The following FCGR2B variants were observed in gnomAD, a reference collection of about 807,000 sequenced individuals.
FCGR2B encodes the protein Fc gamma receptor IIb.
Under a neutral mutation model 24.8 loss-of-function variants are expected in FCGR2B, and 18 were observed. The ratio of observed to expected loss-of-function variants is 0.73; its 90% CI spans 0.50 to 1.08. The LOEUF (loss-of-function observed/expected upper bound fraction) is 1.08, where lower values mean the gene tolerates loss of function less well. Among genes scored for constraint, FCGR2B ranks in the 50% least tolerant of loss-of-function variants. The pLI is 0.00. For missense variants in FCGR2B, 215 were observed against 297.6 expected, an observed-to-expected ratio of 0.72 and a Z score of 2.04; for synonymous variants, 79 against 109.8, an observed-to-expected ratio of 0.72 and a Z score of 1.75.
At chr1:161,675,520 C>T (rs1682046618) in intron 6 of FCGR2B, 1 of 470,628 alleles carries the variant, frequency 2.1e-6, no homozygotes. Flanking sequence ...AGAAGAGAAA[C>T]ACCAGTCCCA....
chr1:161,675,320 A>G lies in FCGR2B; in HGVS notation c.817+7A>G, dbSNP rs927041851. The G allele has an allele frequency of 1.9e-6, 3 of 1,571,578 alleles. No homozygotes were observed. The highest frequency in any genetic ancestry group is 3.6e-5 in the Admixed American group (2 of 56,118). ...ACCCTCCCTGAGAAACCAGGTGAGT[A>G]CAGGTTGTCTCAGGGATTCAGTGAT... On this transcript the variant is annotated splice_region_variant and intron_variant, in intron 6 of 7. Coordinates refer to ENST00000358671, the MANE Select transcript of FCGR2B (RefSeq NM_001394477.1).
intron 6 of FCGR2B, chr1:161,675,734 C>T: frequency 4.2e-6 from 1 of 236,620 alleles, no homozygotes; most frequent in Non-Finnish European, 8.3e-6. Context: ...CTGGAAACCC[C>T]TTGATTTGCT....
At position 161,673,337 on chromosome 1, in the gene FCGR2B, G is replaced by A. The variant is rs1289258469; in HGVS notation, c.646+108G>A. 6 of 1,601,752 alleles carry A rather than the reference G, an allele frequency of 3.7e-6. No homozygotes were observed. The African/African-American group carries it at 4.0e-5, about 11-fold the overall frequency. The stretch of plus-strand genomic sequence containing the variant: ...TGAGAAAGGCCACAGCGCAAAATTG[G>A]GCACTGGAGCAAAGAGGAGTGGTGT... On this transcript the variant is annotated intron_variant, in intron 4 of 7. Transcript: ENST00000358671.
chr1:161,670,792 C>G (rs1361008140), intron 2 of FCGR2B, among the ~76,000 whole-genome samples: 1 of 113,318 alleles, frequency 8.8e-6, no homozygotes, highest in African/African-American at 3.4e-5. Flanking sequence ...TCCGGCTTTT[C>G]TCCCTCTCTC....
chr1:161,652,394 T>C, the FCGR2B span, among the ~76,000 whole-genome samples: 1 of 133,284 alleles, frequency 7.5e-6, no homozygotes, highest in South Asian at 2.7e-4. Flanking sequence ...GATGACCCTG[T>C]CAAATACATT....
the FCGR2B span, among the ~76,000 whole-genome samples, chr1:161,653,093 A>AAT: frequency 5.3e-5 from 7 of 132,938 alleles, no homozygotes; most frequent in African/African-American, 1.0e-4. Context: ...GCCTTTGCAG[A>AAT]ATATATATAT....
chr1:161,648,090 T>A, the FCGR2B span, among the ~76,000 whole-genome samples: 1 of 150,438 alleles, frequency 6.6e-6, no homozygotes, highest in Admixed American at 6.7e-5. Context: ...CATGGCAAGC[T>A]TGGGGAAGTT....
chr1:161,647,715 A>C, the FCGR2B span, among the ~76,000 whole-genome samples: 2,011 of 151,010 alleles, frequency 0.013, 105 homozygotes, highest in African/African-American at 0.047. Flanking sequence ...TTCGTCCTGC[A>C]GAAGAGATGT....
At chr1:161,674,362 A>G (rs1163860294) in intron 5 of FCGR2B, 1 of 344,890 alleles carries the variant, frequency 2.9e-6, no homozygotes, top group East Asian at 7.4e-5. Flanking sequence ...CATTATAATA[A>G]GATGGGATAA....
In FCGR2B at chr1:161,672,881, C is replaced by A. The variant is rs1681794551; in HGVS notation, c.392-94C>A. The A allele has an allele frequency of 3.2e-6, 5 of 1,549,472 alleles. No individual in the cohort carries two copies. In the South Asian group the frequency reaches 6.2e-5, roughly 19 times the overall value. ...GTCTGATTTCAGACCTAAGCTGTTC[C>A]CTCTGCACATCGTGTCCCACCAGTA... On this transcript the variant is annotated intron_variant, in intron 3 of 7. Coordinates refer to ENST00000358671, the MANE Select transcript of FCGR2B (RefSeq NM_001394477.1).
intron 7 of FCGR2B, 36 bp from the exon 8 acceptor site, chr1:161,677,440 C>A: frequency 6.2e-7 from 1 of 1,609,916 alleles, no homozygotes; most frequent in Non-Finnish European, 8.5e-7. Flanking sequence ...TAGGCCCTCT[C>A]TGTGGATCCT....
At position 161,678,191 on chromosome 1, in the gene FCGR2B, T is replaced by C. The variant is rs1382067185; in HGVS notation, c.*638T>C. 9.0e-6 allele frequency: 2 copies of C among 222,964 alleles called. No individual in the cohort carries two copies. The highest frequency in any genetic ancestry group is 6.5e-5 in the East Asian group (1 of 15,302). 13.8% of individuals were successfully genotyped at this position (222,964 alleles called of 1,614,324 possible). A position where few individuals can be genotyped will look rare whatever the true frequency, so the allele number is the denominator to read the frequency against. The stretch of plus-strand genomic sequence containing the variant: ...GGGGGAGGAGAGGAGAGATGGGGAT[T>C]TAGAATGTAGAGTGAGTGCCCCTTT... On this transcript the variant is annotated 3_prime_UTR_variant, in exon 8 of 8. Coordinates refer to ENST00000358671, the MANE Select transcript of FCGR2B (RefSeq NM_001394477.1).
At position 161,671,881 on chromosome 1, in the gene FCGR2B, T is replaced by G. The variant is rs1681697676; in HGVS notation, c.391+232T>G. 4 of 762,268 alleles carry G rather than the reference T, an allele frequency of 5.2e-6. No individual in the cohort carries two copies. The South Asian group carries it at 5.8e-5, about 11-fold the overall frequency. 47.2% of individuals were successfully genotyped at this position (762,268 alleles called of 1,614,324 possible). ...GAGAGAAGCAGAAGGAAATCCCTAC[T>G]GCATAAAACCCATTTCCATTTTAAT... On this transcript the variant is annotated intron_variant, in intron 3 of 7. Coordinates refer to ENST00000358671, the MANE Select transcript of FCGR2B (RefSeq NM_001394477.1).
At chr1:161,661,253 A>G (rs1268988157), upstream of FCGR2B, among the ~76,000 whole-genome samples, 1 of 37,350 alleles carries the variant, frequency 2.7e-5, no homozygotes, top group Non-Finnish European at 6.4e-5. Flanking sequence ...AAAGAAAGAA[A>G]GAAAGAAAGG....
In FCGR2B at chr1:161,673,098, A is replaced by G. The variant is rs1045176308; in HGVS notation, c.515A>G (p.Lys172Arg). 6.2e-7 allele frequency: 1 copy of G among 1,612,256 alleles called. No homozygotes were observed. The highest frequency in any genetic ancestry group is 8.5e-7 in the Non-Finnish European group (1 of 1,178,908). Residue 172 changes from lysine to arginine, a missense_variant, in exon 4 of 8, where the codon AAG becomes AGG. By Grantham distance (26) the Lys-to-Arg change is conservative (BLOSUM62 2). This residue lies in a region of FCGR2B where 2 missense variants were observed against 27.2 expected (regional missense o/e 0.07). Transcript: ENST00000358671. ...KVTFFQNGKS[K>R]KFSRSDPNFS... ...ACATTCTTCCAGAATGGAAAATCCA[A>G]GAAATTTTCCCGTTCGGATCCCAAC...
Position 161,677,629 on chromosome 1 carries a change from C to T in FCGR2B, c.*76C>T. Reference sequence around the variant, plus strand: ...CTGGTATTTCCTGGCCTAAATTCCCCTTGGGGAGGACAGGGAGATGCTGCA... The same window carrying T: ...CTGGTATTTCCTGGCCTAAATTCCCTTTGGGGAGGACAGGGAGATGCTGCA... On this transcript the variant is annotated 3_prime_UTR_variant, in exon 8 of 8. Transcript: ENST00000358671. 2 of 1,190,742 alleles carry T rather than the reference C, an allele frequency of 1.7e-6. No homozygotes were observed. The highest frequency in any genetic ancestry group is 2.5e-6 in the Non-Finnish European group (2 of 810,664). 73.8% of individuals were successfully genotyped at this position (1,190,742 alleles called of 1,614,324 possible).
chr1:161,678,581 T>A lies in FCGR2B; in HGVS notation c.*1028T>A, dbSNP rs1682323557. 9.4e-6 allele frequency: 2 copies of A among 212,152 alleles called. No homozygotes were observed. The highest frequency in any genetic ancestry group is 2.3e-5 in the African/African-American group (1 of 44,116). 13.1% of individuals were successfully genotyped at this position (212,152 alleles called of 1,614,324 possible). On this transcript the variant is annotated 3_prime_UTR_variant, in exon 8 of 8. Transcript: ENST00000358671. ...ATGCATGACTGTACTCTTCTGCCAA[T>A]GACCTTGTATTCTTGTTTCCATGTC...
the FCGR2B span, among the ~76,000 whole-genome samples, chr1:161,647,297 C>CTTTTTT: frequency 1.6e-4 from 20 of 122,564 alleles, no homozygotes; most frequent in African/African-American, 6.2e-4. Context: ...GCTCTGGACT[C>CTTTTTT]TTTTTTTTTT....
In FCGR2B at chr1:161,678,520, C is replaced by T. The variant is rs2102685855; in HGVS notation, c.*967C>T. On this transcript the variant is annotated 3_prime_UTR_variant, in exon 8 of 8. Coordinates refer to ENST00000358671, the MANE Select transcript of FCGR2B (RefSeq NM_001394477.1). ...CTATGATGTTCACACAACAAAATTG[C>T]CTGCATTTCTCAAAATGTATCCCCA... 2 of 216,542 alleles carry T rather than the reference C, an allele frequency of 9.2e-6. No homozygotes were observed. Among genetic ancestry groups the T allele is most frequent in the East Asian group, 1.4e-4 (2 of 14,690 alleles). 13.4% of individuals were successfully genotyped at this position (216,542 alleles called of 1,614,324 possible). A position where few individuals can be genotyped will look rare whatever the true frequency, so the allele number is the denominator to read the frequency against.
Sources: gnomAD v4.1 joint callset for allele counts (sites outside exome capture counted in the v4.1 genomes callset) on GRCh38, gnomAD v4.1.1 for gene constraint, gnomAD v4.1.1 regional missense constraint, MANE v1.5 for transcripts, NCBI Gene and HGNC (gene_info 2026-07-23, HGNC 2026-07-21) for gene names.